COX7A2L: variants seen among roughly 807,000 people sequenced by gnomAD.
COX7A2L encodes the protein cytochrome c oxidase subunit 7A2 like, also known as cytochrome c oxidase subunit 7A2-like, mitochondrial.
COX7A2L carries 18 observed loss-of-function variants against 14.2 expected under a neutral mutation model. The ratio of observed to expected loss-of-function variants is 1.27; its 90% CI spans 0.88 to 1.88. COX7A2L has a LOEUF of 1.88. Ranked by LOEUF, COX7A2L falls within the 40% of genes most tolerant of loss-of-function variation. The pLI is 0.00. For synonymous variants in COX7A2L, 65 were observed against 57.4 expected, an observed-to-expected ratio of 1.13 and a Z score of -0.60; for missense variants, 179 against 138.8, an observed-to-expected ratio of 1.29 and a Z score of -1.46.
chr2:42,362,279 T>C (rs1027594009), upstream of COX7A2L, among the ~76,000 whole-genome samples: 2 of 152,214 alleles, frequency 1.3e-5, no homozygotes, highest in African/African-American at 4.8e-5. Flanking sequence ...TATACTAGTT[T>C]CTTACTCTCC....
intron 1 of COX7A2L, among the ~76,000 whole-genome samples, chr2:42,366,458 T>C (rs1341105558): frequency 6.6e-6 from 1 of 152,168 alleles, no homozygotes; most frequent in East Asian, 1.9e-4. Flanking sequence ...CTGCTAGCCA[T>C]TGAAGGTCAG....
chr2:42,351,067 A>T lies in COX7A2L; in HGVS notation c.*152T>A. On this transcript the variant is annotated 3_prime_UTR_variant, in exon 3 of 3. Coordinates refer to ENST00000234301, the MANE Select transcript of COX7A2L (RefSeq NM_004718.4). ...AGCTCTGACAAGCCATATGCATTTC[A>T]TAAACAAACCAAAACATCATCTTCA... is the stretch of plus-strand genomic sequence containing the variant. 1 of 867,310 alleles carries T rather than the reference A, an allele frequency of 1.2e-6. No individual in the cohort carries two copies. Among genetic ancestry groups the T allele is most frequent in the Non-Finnish European group, 1.7e-6 (1 of 584,876 alleles). 53.7% of individuals were successfully genotyped at this position (867,310 alleles called of 1,614,324 possible).
downstream of COX7A2L, among the ~76,000 whole-genome samples, chr2:42,349,076 A>T (rs923236195): frequency 2.6e-5 from 4 of 152,244 alleles, no homozygotes; most frequent in African/African-American, 9.6e-5. Flanking sequence ...AATGTTAAAC[A>T]GAGTTACCAT....
In COX7A2L at chr2:42,338,806, G is replaced by T. The variant is rs142857885; in HGVS notation, c.193-4937C>A. Among the ~76,000 whole-genome samples the T allele has an allele frequency of 2.8e-3, 433 of 152,326 alleles. 2 individuals carry two copies. The highest frequency in any genetic ancestry group is 0.01 in the African/African-American group (425 of 41,570). ...AAGCATTTTCCAGTGAGTGGAGGTG[G>T]GTTTAGGTGTTATCTGTGCGGCAGA... On this transcript the variant is annotated intron_variant, in intron 2 of 2. Coordinates refer to the COX7A2L transcript ENST00000468711. The surrounding 1 kb of genome is among the most constrained non-coding windows in gnomAD (Gnocchi z 4.4).
At chr2:42,344,209 T>C (rs919365760) in intron 2 of COX7A2L, among the ~76,000 whole-genome samples, 3 of 152,218 alleles carry the variant, frequency 2.0e-5, no homozygotes, top group African/African-American at 7.2e-5. Flanking sequence ...TTAAATCAGT[T>C]CTAAATGTAT....
rs1671019023 is a variant in COX7A2L at position 42,361,072 on chromosome 2, G to A, written c.72+18C>T. 3 of 1,612,538 alleles carry A rather than the reference G, an allele frequency of 1.9e-6. No individual in the cohort carries two copies. Among genetic ancestry groups the A allele is most frequent in the African/African-American group, 2.7e-5 (2 of 75,008 alleles). ...GCCGCCACTTCTCATGTCCGAGCTGGCCAGGCGCCACTCGTACCTGCGGGC... is the reference window on the plus strand; with the variant it reads ...GCCGCCACTTCTCATGTCCGAGCTGACCAGGCGCCACTCGTACCTGCGGGC... On this transcript the variant is annotated intron_variant, in intron 1 of 2. Transcript: ENST00000234301.
chr2:42,353,117 G>T (rs1008834858), intron 2 of COX7A2L, 95 bp downstream of exon 2: 2 of 1,429,658 alleles, frequency 1.4e-6, no homozygotes, highest in Non-Finnish European at 1.9e-6. Flanking sequence ...AAGAAGGAGG[G>T]TGGGTAGTAA....
chr2:42,346,792 A>T (rs968582287), downstream of COX7A2L, among the ~76,000 whole-genome samples: 2 of 152,120 alleles, frequency 1.3e-5, no homozygotes, highest in African/African-American at 2.4e-5. Context: ...TTTTATTATA[A>T]TTAGTGATGT....
At position 42,338,078 on chromosome 2, in the gene COX7A2L, G is replaced by T. The variant is rs1036841843; in HGVS notation, c.193-4209C>A. Among the ~76,000 whole-genome samples the T allele has an allele frequency of 1.3e-5, 2 of 152,176 alleles. No individual in the cohort carries two copies. Among genetic ancestry groups the T allele is most frequent in the African/African-American group, 4.8e-5 (2 of 41,434 alleles). On this transcript the variant is annotated intron_variant, in intron 2 of 2. Coordinates refer to the COX7A2L transcript ENST00000468711. This position sits in a 1 kb window ranked among gnomAD's most constrained non-coding sequence, Gnocchi z 4.4. ...GACCATAGGGACAAGAGACGACCCGGGAGCACTAAGAATTCATCTTCTGGT... is the reference window on the plus strand; with the variant it reads ...GACCATAGGGACAAGAGACGACCCGTGAGCACTAAGAATTCATCTTCTGGT...
Position 42,349,821 on chromosome 2 carries a change from A to C in COX7A2L, c.*1398T>G, listed in dbSNP as rs1670582516. On this transcript the variant is annotated 3_prime_UTR_variant, in exon 3 of 3. Transcript: ENST00000234301. ...GCTAAAGTACTATGGCTGATTTATC[A>C]TAATTCCCTAACAATCTTAAATGAC... 1 of 152,204 alleles carries C rather than the reference A, an allele frequency of 6.6e-6. No individual in the cohort carries two copies. Among genetic ancestry groups the C allele is most frequent in the Non-Finnish European group, 1.5e-5 (1 of 68,034 alleles). 9.4% of individuals were successfully genotyped at this position (152,204 alleles called of 1,614,324 possible).
intron 2 of COX7A2L, among the ~76,000 whole-genome samples, chr2:42,340,869 C>T (rs1313466798): frequency 6.6e-6 from 1 of 152,212 alleles, no homozygotes; most frequent in Non-Finnish European, 1.5e-5. Flanking sequence ...GCGCAGCACA[C>T]TGCAGAAGGA....
At chr2:42,356,981 A>C (rs78781733) in intron 1 of COX7A2L, among the ~76,000 whole-genome samples, 101 of 152,340 alleles carry the variant, frequency 6.6e-4, no homozygotes, top group African/African-American at 2.2e-3. Flanking sequence ...TTTACTTTTT[A>C]ATACTGAATC....
At chr2:42,353,601 T>C (rs1308585506) in intron 1 of COX7A2L, among the ~76,000 whole-genome samples, 1 of 152,214 alleles carries the variant, frequency 6.6e-6, no homozygotes, top group Non-Finnish European at 1.5e-5. Context: ...ACATTTATAA[T>C]CTGTTACGAA....
At chr2:42,361,522 T>C (rs931161221), upstream of COX7A2L, 3 of 185,780 alleles carry the variant, frequency 1.6e-5, no homozygotes, top group African/African-American at 7.2e-5. Flanking sequence ...AGCCCGGCAG[T>C]GTCGGAGTCA....
At chr2:42,362,192 C>A (rs1222083318), upstream of COX7A2L, among the ~76,000 whole-genome samples, 1 of 152,158 alleles carries the variant, frequency 6.6e-6, no homozygotes, top group Non-Finnish European at 1.5e-5. Context: ...ACTTTCAGTT[C>A]TGGTAGTATT....
chr2:42,361,401 G>A, upstream of COX7A2L: 1 of 474,044 alleles, frequency 2.1e-6, no homozygotes, highest in Non-Finnish European at 3.8e-6. Flanking sequence ...AGTCGCTGTG[G>A]CGGAGTCTGT....
Position 42,360,258 on chromosome 2 carries a change from G to A in COX7A2L, c.72+832C>T, listed in dbSNP as rs571484110. 1.8e-4 allele frequency among the ~76,000 whole-genome samples: 28 copies of A among 152,268 alleles called. 1 individual carries two copies. The South Asian group carries it at 5.8e-3, about 32-fold the overall frequency. On this transcript the variant is annotated intron_variant, in intron 1 of 2. Coordinates refer to ENST00000234301, the MANE Select transcript of COX7A2L (RefSeq NM_004718.4). Reference sequence around the variant, plus strand: ...AACACTTATCCAGAACCAACCACCTGCCCAAACTGCTAGTCACTTGACACA... The same window carrying A: ...AACACTTATCCAGAACCAACCACCTACCCAAACTGCTAGTCACTTGACACA...
At chr2:42,358,480 G>T (rs956745198) in intron 1 of COX7A2L, among the ~76,000 whole-genome samples, 2 of 152,146 alleles carry the variant, frequency 1.3e-5, no homozygotes, top group African/African-American at 4.8e-5. Flanking sequence ...CATCTTCATC[G>T]TATGTTTCCA....
At chr2:42,353,156 AT>A in intron 2 of COX7A2L, 55 bp downstream of exon 2, 1 of 1,583,426 alleles carries the variant, frequency 6.3e-7, no homozygotes, top group East Asian at 2.2e-5. Context: ...TTCATAAGGG[AT>A]TTTTTAAGCC....
Sources: allele counts gnomAD v4.1 joint callset (sites outside exome capture counted in the v4.1 genomes callset), GRCh38; gene constraint gnomAD v4.1.1; non-coding constraint Gnocchi (gnomAD v3.1); transcripts MANE v1.5; gene names NCBI Gene and HGNC (gene_info 2026-07-23, HGNC 2026-07-21).